CEP83: variants seen among roughly 807,000 people sequenced by gnomAD.
CEP83 encodes centrosomal protein of 83 kDa.
A neutral mutation model predicts 101.9 loss-of-function variants in CEP83; 70 were observed. That is an observed-to-expected ratio of 0.69 (90% CI 0.57 to 0.84). The LOEUF is 0.84. Ranked by LOEUF, CEP83 falls within the 40% of genes least tolerant of loss-of-function variation. CEP83 has a pLI of 0.00. For missense variants in CEP83, 715 were observed against 787.2 expected (o/e 0.91, Z 1.10); for synonymous variants, 264 against 267.9 (o/e 0.99, Z 0.14).
intron 6 of CEP83, 24 bp downstream of exon 6, chr12:94,400,826 A>G: frequency 7.4e-7 from 1 of 1,351,970 alleles, no homozygotes; most frequent in Non-Finnish European, 9.7e-7. Flanking sequence ...AATAACAAAG[A>G]AACTCGTATA....
intron 14 of CEP83, among the ~76,000 whole-genome samples, chr12:94,328,961 T>C (rs1324301439): frequency 6.6e-6 from 1 of 152,224 alleles, no homozygotes; most frequent in East Asian, 1.9e-4. Context: ...TACATACTTA[T>C]ATACTTTTTA....
At chr12:94,321,065 C>A (rs2058724352) in intron 14 of CEP83, among the ~76,000 whole-genome samples, 1 of 152,060 alleles carries the variant, frequency 6.6e-6, no homozygotes, top group Non-Finnish European at 1.5e-5. Flanking sequence ...AGGTTTTGTT[C>A]ATTCTTTTCT....
intron 11 of CEP83, chr12:94,361,314 G>A (rs1375888305): frequency 1.3e-5 from 2 of 152,184 alleles, no homozygotes; most frequent in Admixed American, 6.5e-5. Flanking sequence ...TGTAGATGCT[G>A]TAGTGCGCTA....
At chr12:94,441,545 AG>A (rs2066397199) in intron 1 of CEP83, among the ~76,000 whole-genome samples, 1 of 152,234 alleles carries the variant, frequency 6.6e-6, no homozygotes, top group Non-Finnish European at 1.5e-5. Flanking sequence ...TGTAGTGAAA[AG>A]GGAACACTTT....
At chr12:94,366,040 A>C (rs565815900) in intron 11 of CEP83, among the ~76,000 whole-genome samples, 1 of 152,254 alleles carries the variant, frequency 6.6e-6, no homozygotes, top group South Asian at 2.1e-4. Context: ...TTAATCTCAC[A>C]TGGGGCAGGA....
chr12:94,396,524 G>A (rs532132108), intron 6 of CEP83, among the ~76,000 whole-genome samples: 10 of 151,892 alleles, frequency 6.6e-5, no homozygotes, highest in East Asian at 1.9e-4. Context: ...TCCTGACCCC[G>A]TGATCCACCC....
At chr12:94,296,727 T>C in the CEP83 span, among the ~76,000 whole-genome samples, 1 of 152,264 alleles carries the variant, frequency 6.6e-6, no homozygotes, top group Admixed American at 6.5e-5. Context: ...ATTTGGTCTC[T>C]TGTTAATTCT....
At chr12:94,412,789 A>G (rs1229611403) in intron 2 of CEP83, among the ~76,000 whole-genome samples, 198 bp from the exon 3 acceptor site, 6 of 149,972 alleles carry the variant, frequency 4.0e-5, no homozygotes, top group Admixed American at 1.3e-4. Flanking sequence ...CCCAAGTTCA[A>G]GCAATTCTCC....
At chr12:94,387,450 A>AACCATT (rs2062217632) in intron 6 of CEP83, among the ~76,000 whole-genome samples, 1 of 152,162 alleles carries the variant, frequency 6.6e-6, no homozygotes, top group African/African-American at 2.4e-5. Flanking sequence ...TTCATCCTGA[A>AACCATT]ACCATTCCTC....
At chr12:94,310,178 A>G in intron 15 of CEP83, 71 bp from the exon 16 acceptor site, 1 of 631,788 alleles carries the variant, frequency 1.6e-6, no homozygotes, top group East Asian at 2.9e-5. Context: ...TTCACAGAAT[A>G]TAATTTTAAA....
chr12:94,423,444 C>G (rs1163397451), intron 2 of CEP83, among the ~76,000 whole-genome samples: 1 of 139,010 alleles, frequency 7.2e-6, no homozygotes, highest in South Asian at 2.2e-4. Flanking sequence ...TGCACCAGAC[C>G]AATCTGGTTC....
At chr12:94,396,809 A>C (rs1469647204) in intron 6 of CEP83, among the ~76,000 whole-genome samples, 1 of 152,198 alleles carries the variant, frequency 6.6e-6, no homozygotes, top group Non-Finnish European at 1.5e-5. Context: ...GTAAGTCCTA[A>C]TTAACACAAG....
At chr12:94,373,812 G>A (rs1057118465) in intron 8 of CEP83, among the ~76,000 whole-genome samples, 2 of 152,164 alleles carry the variant, frequency 1.3e-5, no homozygotes, top group African/African-American at 4.8e-5. Context: ...GTGTTCCTTT[G>A]CACTGCAAAC....
intron 14 of CEP83, among the ~76,000 whole-genome samples, chr12:94,331,148 G>A (rs923347130): frequency 1.2e-4 from 18 of 151,510 alleles, no homozygotes; most frequent in African/African-American, 1.9e-4. Flanking sequence ...AAAATTAGTC[G>A]GGTGTGGTGG....
chr12:94,392,791 G>GA (rs1307495240), intron 6 of CEP83, among the ~76,000 whole-genome samples: 4 of 152,130 alleles, frequency 2.6e-5, no homozygotes, highest in Non-Finnish European at 4.4e-5. Flanking sequence ...TGATAAAGGG[G>GA]ATATCGCCAC....
chr12:94,363,861 T>A (rs958063182), intron 11 of CEP83, among the ~76,000 whole-genome samples: 1 of 149,942 alleles, frequency 6.7e-6, no homozygotes, highest in Non-Finnish European at 1.5e-5. Context: ...GGCAGGAGAA[T>A]GGCTTGAACC....
rs759924969 is a variant in CEP83, at chr12:94,411,732, C to T, written c.289G>A (p.Glu97Lys). Residue 97 changes from glutamate (E) to lysine (K), a missense_variant, in exon 4 of 17, where the codon GAG (glutamate) becomes AAG (lysine). By Grantham distance (56) the Glu-to-Lys change is moderately conservative (BLOSUM62 1). Transcript: ENST00000397809. The part of the protein sequence containing the change: ...LLEELRGELV[E>K]KTKDLEEMKL... ...ATTTCTTCTAAATCTTTAGTTTTCT[C>T]TACTAATTCTCCTCTTAGTTCTTCA... 2 of 1,608,742 alleles carry T rather than the reference C, an allele frequency of 1.2e-6. No homozygotes were observed. Among genetic ancestry groups the T allele is most frequent in the Admixed American group, 1.7e-5 (1 of 59,134 alleles).
chr12:94,386,990 CAA>C, intron 6 of CEP83, among the ~76,000 whole-genome samples: 1 of 152,174 alleles, frequency 6.6e-6, no homozygotes, highest in East Asian at 1.9e-4. Context: ...ACAAAGTTGA[CAA>C]AAACAAACAA....
At chr12:94,284,164 A>G in the CEP83 span, among the ~76,000 whole-genome samples, 1 of 151,306 alleles carries the variant, frequency 6.6e-6, no homozygotes, top group Admixed American at 6.6e-5. Flanking sequence ...TAGTGATTTT[A>G]TCCCCAGGAG....
Sources: gnomAD v4.1 joint callset for allele counts (sites outside exome capture counted in the v4.1 genomes callset) on GRCh38, gnomAD v4.1.1 for gene constraint, MANE v1.5 for transcripts, NCBI Gene and HGNC (gene_info 2026-07-23, HGNC 2026-07-21) for gene names.